DNAJB9: variants seen among roughly 807,000 people sequenced by gnomAD.
DNAJB9 encodes the protein DnaJ heat shock protein family (Hsp40) member B9, also known as dnaJ homolog subfamily B member 9.
Under a neutral mutation model 19.2 loss-of-function variants are expected in DNAJB9, and 12 were observed. That is an observed-to-expected ratio of 0.62 (90% CI 0.40 to 1.01). The LOEUF is 1.01. DNAJB9 is among the 50% of genes least tolerant of loss of function. DNAJB9 has a pLI of 0.00. For synonymous variants in DNAJB9, 83 were observed against 84.0 expected (o/e 0.99, Z 0.07); for missense variants, 272 against 261.1 (o/e 1.04, Z -0.29).
chr7:108,570,297 G>C (rs892155063), intron 1 of DNAJB9, among the ~76,000 whole-genome samples, 194 bp downstream of exon 1: 2 of 152,138 alleles, frequency 1.3e-5, no homozygotes, highest in African/African-American at 4.8e-5. Flanking sequence ...TTGTGGCGCC[G>C]GCTTTCACGG....
chr7:108,573,491 A>T lies in DNAJB9; in HGVS notation c.*138A>T. 1 of 536,698 alleles carries T rather than the reference A, an allele frequency of 1.9e-6. No homozygotes were observed. The highest frequency in any genetic ancestry group is 2.9e-6 in the Non-Finnish European group (1 of 346,134). 33.2% of individuals were successfully genotyped at this position (536,698 alleles called of 1,614,324 possible). A position where few individuals can be genotyped will look rare whatever the true frequency, so the allele number is the denominator to read the frequency against. On this transcript the variant is annotated 3_prime_UTR_variant, in exon 3 of 3. Coordinates refer to ENST00000249356, the MANE Select transcript of DNAJB9 (RefSeq NM_012328.3). Reference sequence around the variant, plus strand: ...TTGATATAGCTATTAAATATATTTAAGGGTTTTTTTTTTTTGACAAATTCA... The same window carrying T: ...TTGATATAGCTATTAAATATATTTATGGGTTTTTTTTTTTTGACAAATTCA...
In DNAJB9 at chr7:108,573,108, A is replaced by T. The variant is rs1293215613; in HGVS notation, c.427A>T (p.Thr143Ser). 5.6e-6 allele frequency: 9 copies of T among 1,613,988 alleles called. No individual in the cohort carries two copies. The highest frequency in any genetic ancestry group is 1.3e-5 in the African/African-American group (1 of 74,932). The part of the protein sequence containing the change: ...SKKRFENHFQ[T>S]RQDGGSSRQR... ...GAAGCGTTTTGAAAATCATTTCCAG[A>T]CACGCCAGGATGGTGGTTCCAGTAG... The change falls in exon 3 of 3, where the codon ACA becomes TCA. Residue 143 changes from threonine to serine, a missense_variant. Thr to Ser is a moderately conservative substitution (Grantham distance 58, BLOSUM62 1). Coordinates refer to ENST00000249356, the MANE Select transcript of DNAJB9 (RefSeq NM_012328.3).
intron 1 of DNAJB9, among the ~76,000 whole-genome samples, chr7:108,571,120 C>T (rs368433082): frequency 3.3e-5 from 5 of 152,098 alleles, no homozygotes; most frequent in African/African-American, 1.2e-4. Context: ...TGGGATCTTA[C>T]ATTTGGGAAA....
At chr7:108,570,788 G>A (rs543610670) in intron 1 of DNAJB9, among the ~76,000 whole-genome samples, 1 of 152,236 alleles carries the variant, frequency 6.6e-6, no homozygotes, top group South Asian at 2.1e-4. Context: ...TCCACAAACC[G>A]TAGTGTTTTT....
At position 108,573,415 on chromosome 7, in the gene DNAJB9, A is replaced by G. The variant is rs1790652021; in HGVS notation, c.*62A>G. The G allele has an allele frequency of 1.6e-6, 2 of 1,278,902 alleles. No homozygotes were observed. Among genetic ancestry groups the G allele is most frequent in the Non-Finnish European group, 2.1e-6 (2 of 958,166 alleles). The allele number at this position is 1,278,902 out of a possible 1,614,324, so 79.2% of individuals were successfully genotyped here. A position where few individuals can be genotyped will look rare whatever the true frequency, so the allele number is the denominator to read the frequency against. On this transcript the variant is annotated 3_prime_UTR_variant, in exon 3 of 3. Transcript: ENST00000249356. ...TCTTCCTCATTATCTTTGATGCTAA[A>G]CAATTTTCTGTGAACTATTTTGACA...
At position 108,573,958 on chromosome 7, in the gene DNAJB9, G is replaced by C. The variant is rs1790663344; in HGVS notation, c.*605G>C. ...TTATTGCCCATAGTCATTTAGGCTGGAAAAAAGTTGAAAACTTAACGAAAT... is the reference window on the plus strand; with the variant it reads ...TTATTGCCCATAGTCATTTAGGCTGCAAAAAAGTTGAAAACTTAACGAAAT... On this transcript the variant is annotated 3_prime_UTR_variant, in exon 3 of 3. Coordinates refer to ENST00000249356, the MANE Select transcript of DNAJB9 (RefSeq NM_012328.3). 1 of 152,352 alleles carries C rather than the reference G, an allele frequency of 6.6e-6. No individual in the cohort carries two copies. Among genetic ancestry groups the C allele is most frequent in the Non-Finnish European group, 1.5e-5 (1 of 67,988 alleles). The allele number at this position is 152,352 out of a possible 1,614,324, so 9.4% of individuals were successfully genotyped here. A position where few individuals can be genotyped will look rare whatever the true frequency, so the allele number is the denominator to read the frequency against.
intron 2 of DNAJB9, 120 bp downstream of exon 2, chr7:108,572,063 A>T: frequency 1.2e-6 from 1 of 843,916 alleles, no homozygotes; most frequent in Non-Finnish European, 1.8e-6. Context: ...ATTTATGTAT[A>T]AATATTGGGT....
chr7:108,572,488 G>A (rs1301297742), intron 2 of DNAJB9, among the ~76,000 whole-genome samples: 4 of 152,134 alleles, frequency 2.6e-5, no homozygotes, highest in Non-Finnish European at 5.9e-5. Flanking sequence ...GAATTAAACA[G>A]TTTACTTTAG....
rs1021066578 is a variant in DNAJB9, at chr7:108,574,315, A to G, written c.*962A>G. 6.5e-6 allele frequency: 1 copy of G among 152,684 alleles called. No individual in the cohort carries two copies. Among genetic ancestry groups the G allele is most frequent in the Non-Finnish European group, 1.5e-5 (1 of 68,036 alleles). The allele number at this position is 152,684 out of a possible 1,614,324, so 9.5% of individuals were successfully genotyped here. On this transcript the variant is annotated 3_prime_UTR_variant, in exon 3 of 3. Transcript: ENST00000249356. ...TCTGCACTTTTCCACATTATACTCC[A>G]TATGAGTATTAATCCTATGGATACA...
intron 1 of DNAJB9, 35 bp from the exon 2 acceptor site, chr7:108,571,682 C>A: frequency 1.3e-6 from 2 of 1,548,604 alleles, no homozygotes; most frequent in South Asian, 2.3e-5. Flanking sequence ...AAGATTAGCT[C>A]CATCCATAAC....
chr7:108,573,395 C>T lies in DNAJB9; in HGVS notation c.*42C>T. ...ACTAAATCCAACTGGTTGACTCTTC[C>T]TCATTATCTTTGATGCTAAACAATT... On this transcript the variant is annotated 3_prime_UTR_variant, in exon 3 of 3. Transcript: ENST00000249356. 1 of 1,402,020 alleles carries T rather than the reference C, an allele frequency of 7.1e-7. No homozygotes were observed. The highest frequency in any genetic ancestry group is 9.4e-7 in the Non-Finnish European group (1 of 1,059,676). The allele number at this position is 1,402,020 out of a possible 1,614,324, so 86.8% of individuals were successfully genotyped here.
intron 1 of DNAJB9, 60 bp downstream of exon 1, chr7:108,570,163 C>A: frequency 6.5e-6 from 1 of 154,700 alleles, no homozygotes; most frequent in Non-Finnish European, 1.4e-5. Flanking sequence ...TAGCCCAGGC[C>A]TGTCTTTGTG....
In DNAJB9 at chr7:108,572,974, A is replaced by G. The variant is rs1790642571; in HGVS notation, c.293A>G (p.Lys98Arg). 6.2e-7 allele frequency: 1 copy of G among 1,614,112 alleles called. No individual in the cohort carries two copies. Among genetic ancestry groups the G allele is most frequent in the Non-Finnish European group, 8.5e-7 (1 of 1,179,956 alleles). Residue 98 changes from lysine to arginine, a missense_variant, in exon 3 of 3, where the codon AAA (lysine) becomes AGA (arginine). Transcript: ENST00000249356. ...GGACACAGTGCTTTTACTAGTGGTA[A>G]AGGACAAAGAGGTAGTGGAAGTTCT... ...TLGHSAFTSG[K>R]GQRGSGSSFE...
chr7:108,573,561 A>T lies in DNAJB9; in HGVS notation c.*208A>T, dbSNP rs1790654606. On this transcript the variant is annotated 3_prime_UTR_variant, in exon 3 of 3. Coordinates refer to ENST00000249356, the MANE Select transcript of DNAJB9 (RefSeq NM_012328.3). ...AATGCTAATTATTTCCCTGATTAGG[A>T]AAGTTTCTTTAAAAAACACGTAATT... The T allele has an allele frequency of 2.3e-5, 9 of 395,792 alleles. No individual in the cohort carries two copies. The highest frequency in any genetic ancestry group is 4.4e-6 in the Non-Finnish European group (1 of 227,600). 24.5% of individuals were successfully genotyped at this position (395,792 alleles called of 1,614,324 possible).
At chr7:108,570,663 G>T (rs1004374359) in intron 1 of DNAJB9, among the ~76,000 whole-genome samples, 3 of 152,146 alleles carry the variant, frequency 2.0e-5, no homozygotes, top group Non-Finnish European at 4.4e-5. Flanking sequence ...CTTAAACCGA[G>T]AAGTGGTTCT....
chr7:108,573,366 T>C lies in DNAJB9; in HGVS notation c.*13T>C. On this transcript the variant is annotated 3_prime_UTR_variant, in exon 3 of 3. Coordinates refer to ENST00000249356, the MANE Select transcript of DNAJB9 (RefSeq NM_012328.3). Reference sequence around the variant, plus strand: ...TTCAGGACAGTAGTTCTTATTCTATTCTCACTAAATCCAACTGGTTGACTC... The same window carrying C: ...TTCAGGACAGTAGTTCTTATTCTATCCTCACTAAATCCAACTGGTTGACTC... The C allele has an allele frequency of 6.7e-7, 1 of 1,493,200 alleles. No individual in the cohort carries two copies. The highest frequency in any genetic ancestry group is 8.9e-7 in the Non-Finnish European group (1 of 1,122,728). The allele number at this position is 1,493,200 out of a possible 1,614,324, so 92.5% of individuals were successfully genotyped here.
chr7:108,571,473 C>T (rs1790619626), intron 1 of DNAJB9, among the ~76,000 whole-genome samples: 1 of 151,770 alleles, frequency 6.6e-6, no homozygotes, highest in African/African-American at 2.4e-5. Flanking sequence ...TTTTCTATCT[C>T]CTCTGTGTAT....
chr7:108,570,207 C>G (rs1473090797), intron 1 of DNAJB9, 104 bp downstream of exon 1: 1 of 152,654 alleles, frequency 6.6e-6, no homozygotes, highest in Non-Finnish European at 1.5e-5. Flanking sequence ...CCACGGTCGC[C>G]GCAGGGACAA....
intron 1 of DNAJB9, among the ~76,000 whole-genome samples, chr7:108,570,413 C>T (rs1390906960): frequency 6.6e-6 from 1 of 152,034 alleles, no homozygotes; most frequent in Non-Finnish European, 1.5e-5. Flanking sequence ...CTAGCCCAGC[C>T]GCCCACCGAG....
Sources: gnomAD v4.1 joint callset for allele counts (sites outside exome capture counted in the v4.1 genomes callset) on GRCh38, gnomAD v4.1.1 for gene constraint, MANE v1.5 for transcripts, NCBI Gene and HGNC (gene_info 2026-07-23, HGNC 2026-07-21) for gene names.